The following TNFAIP8L1 variants were observed in gnomAD, a reference collection of about 807,000 sequenced individuals.
TNFAIP8L1 encodes the protein TNF alpha induced protein 8 like 1.
For synonymous variants in TNFAIP8L1, 127 were observed against 125.6 expected, an observed-to-expected ratio of 1.01 and a Z score of -0.08; for missense variants, 225 against 266.1, an observed-to-expected ratio of 0.85 and a Z score of 1.08.
At chr19:4,648,025 G>T (rs2088328295) in intron 1 of TNFAIP8L1, among the ~76,000 whole-genome samples, 2 of 152,196 alleles carry the variant, frequency 1.3e-5, no homozygotes. Context: ...TGTATCCCCA[G>T]TGCCTCTGTG....
At position 4,652,517 on chromosome 19, in the gene TNFAIP8L1, CTTT is replaced by C; in HGVS notation, c.*89_*91del. The C allele has an allele frequency of 7.5e-7, 1 of 1,330,302 alleles. No individual in the cohort carries two copies. The highest frequency in any genetic ancestry group is 1.5e-5 in the African/African-American group (1 of 66,438). 82.4% of individuals were successfully genotyped at this position (1,330,302 alleles called of 1,614,324 possible). ...GGGGTTTGTGGGTTTTTTTCCACCT[CTTT>C]TCTCCCAATCGGACTCCGGCCAAAC... is the stretch of plus-strand genomic sequence containing the variant. On this transcript the variant is annotated 3_prime_UTR_variant, in exon 2 of 2. Coordinates refer to ENST00000327473, the MANE Select transcript of TNFAIP8L1 (RefSeq NM_152362.3).
Position 4,654,937 on chromosome 19 carries a change from G to A in TNFAIP8L1, c.*2507G>A, listed in dbSNP as rs1166833027. The A allele has an allele frequency of 6.6e-6, 1 of 152,236 alleles. No homozygotes were observed. Among genetic ancestry groups the A allele is most frequent in the Non-Finnish European group, 1.5e-5 (1 of 68,052 alleles). The allele number at this position is 152,236 out of a possible 1,614,324, so 9.4% of individuals were successfully genotyped here. A position where few individuals can be genotyped will look rare whatever the true frequency, so the allele number is the denominator to read the frequency against. ...CAGAACCTTGTCTGTGGAGGGTAGA[G>A]GTTGCGGCAGGGGCCTGTGGGCCTT... On this transcript the variant is annotated 3_prime_UTR_variant, in exon 2 of 2. Transcript: ENST00000327473.
chr19:4,640,902 T>G (rs2088254479), intron 1 of TNFAIP8L1: 1 of 152,450 alleles, frequency 6.6e-6, no homozygotes, highest in African/African-American at 2.4e-5. Context: ...ACGCTGTACC[T>G]ATGGAAACCG....
intron 1 of TNFAIP8L1, among the ~76,000 whole-genome samples, chr19:4,651,559 C>T (rs1411597089): frequency 6.6e-6 from 1 of 151,982 alleles, no homozygotes; most frequent in African/African-American, 2.4e-5. Flanking sequence ...GCCTCAGCCT[C>T]CCAAGTAGCG....
chr19:4,653,104 G>A lies in TNFAIP8L1; in HGVS notation c.*674G>A, dbSNP rs568854285. 6.0e-6 allele frequency: 1 copy of A among 166,546 alleles called. No individual in the cohort carries two copies. The highest frequency in any genetic ancestry group is 1.5e-5 in the Non-Finnish European group (1 of 68,122). The allele number at this position is 166,546 out of a possible 1,614,324, so 10.3% of individuals were successfully genotyped here. A position where few individuals can be genotyped will look rare whatever the true frequency, so the allele number is the denominator to read the frequency against. On this transcript the variant is annotated 3_prime_UTR_variant, in exon 2 of 2. Transcript: ENST00000327473. ...GCGGATCACGAGGTCAGGAGATCGA[G>A]ACCATCCTGGCTAACACGGTGAAAC...
rs755716896 is a variant in TNFAIP8L1 at position 4,652,361 on chromosome 19, G to A, written c.492G>A (p.Glu164=). The A allele has an allele frequency of 4.5e-6, 7 of 1,555,666 alleles. No individual in the cohort carries two copies. In the East Asian group the frequency reaches 9.7e-5, roughly 21 times the overall value. Residue 164 remains glutamate (E), a synonymous_variant, in exon 2 of 2, where the codon GAG becomes GAA. Coordinates refer to ENST00000327473, the MANE Select transcript of TNFAIP8L1 (RefSeq NM_152362.3). The stretch of plus-strand genomic sequence containing the variant: ...TGGCTGCGCTCTACGGCCCCGCCGA[G>A]CCCTACCGCTCCCACCTGCGCAGGA... ...DFLAALYGPA[E]PYRSHLRRIC...
At chr19:4,647,994 G>A (rs1207879333) in intron 1 of TNFAIP8L1, among the ~76,000 whole-genome samples, 6 of 152,142 alleles carry the variant, frequency 3.9e-5, no homozygotes, top group Non-Finnish European at 1.5e-5. Context: ...AGGCAGGGAT[G>A]GGATCTGTTT....
At chr19:4,650,601 G>A (rs2088352912) in intron 1 of TNFAIP8L1, among the ~76,000 whole-genome samples, 1 of 152,080 alleles carries the variant, frequency 6.6e-6, no homozygotes, top group Non-Finnish European at 1.5e-5. Context: ...ACAGGGGGAT[G>A]GTTCTGCAGT....
chr19:4,651,563 A>G (rs958205669), intron 1 of TNFAIP8L1, among the ~76,000 whole-genome samples: 2 of 151,828 alleles, frequency 1.3e-5, no homozygotes, highest in East Asian at 3.9e-4. Flanking sequence ...CAGCCTCCCA[A>G]GTAGCGGGGA....
At position 4,652,268 on chromosome 19, in the gene TNFAIP8L1, C is replaced by T. The variant is rs1003491780; in HGVS notation, c.399C>T (p.Pro133=). 1.9e-6 allele frequency: 3 copies of T among 1,564,422 alleles called. No homozygotes were observed. Among genetic ancestry groups the T allele is most frequent in the Non-Finnish European group, 2.6e-6 (3 of 1,158,404 alleles). ...ACCTGCTGCACCAGGCCGTGGGTCC[C>T]CACCTGACCGCCAAGTCCCACGGCC... ...CRDLLHQAVG[P]HLTAKSHGRI... Residue 133 remains proline (P), a synonymous_variant, in exon 2 of 2, where the codon CCC becomes CCT. Transcript: ENST00000327473.
At position 4,642,796 on chromosome 19, in the gene TNFAIP8L1, G is replaced by A. The variant is rs1057093983; in HGVS notation, c.-4+3167G>A. On this transcript the variant is annotated intron_variant, in intron 1 of 1. Coordinates refer to ENST00000327473, the MANE Select transcript of TNFAIP8L1 (RefSeq NM_152362.3). ...CAGGGTGCGCAGGATCTTATGGGCT[G>A]CCAGGAATACTTGGCTTTGACCCCA... Among the ~76,000 whole-genome samples the A allele has an allele frequency of 2.0e-5, 3 of 152,036 alleles. No homozygotes were observed. In the East Asian group the frequency reaches 5.8e-4, roughly 29 times the overall value.
intron 1 of TNFAIP8L1, among the ~76,000 whole-genome samples, chr19:4,646,047 C>A (rs547915863): frequency 9.9e-5 from 15 of 152,282 alleles, no homozygotes; most frequent in African/African-American, 3.4e-4. Flanking sequence ...TCCTGGTTAC[C>A]CTGAACTTCA....
chr19:4,641,405 G>A lies in TNFAIP8L1; in HGVS notation c.-4+1776G>A, dbSNP rs934537654. On this transcript the variant is annotated intron_variant, in intron 1 of 1. Coordinates refer to ENST00000327473, the MANE Select transcript of TNFAIP8L1 (RefSeq NM_152362.3). This position sits in a 1 kb window ranked among gnomAD's most constrained non-coding sequence, Gnocchi z 4.6. The stretch of plus-strand genomic sequence containing the variant: ...AGGTACAGCTCAGGTGTTACAGACG[G>A]GGAGCAGGGCAAGGAGGCAGAGCGA... 1 of 152,230 alleles carries A rather than the reference G, an allele frequency of 6.6e-6. No individual in the cohort carries two copies. Among genetic ancestry groups the A allele is most frequent in the Admixed American group, 6.6e-5 (1 of 15,258 alleles). 9.4% of individuals were successfully genotyped at this position (152,230 alleles called of 1,614,324 possible). A position where few individuals can be genotyped will look rare whatever the true frequency, so the allele number is the denominator to read the frequency against.
At chr19:4,647,570 C>G (rs901774159) in intron 1 of TNFAIP8L1, among the ~76,000 whole-genome samples, 16 of 149,816 alleles carry the variant, frequency 1.1e-4, no homozygotes, top group African/African-American at 3.7e-4. Context: ...CTCAGCTTCC[C>G]AAAGTGCTGG....
At chr19:4,644,198 G>A (rs963729838) in intron 1 of TNFAIP8L1, among the ~76,000 whole-genome samples, 2 of 151,884 alleles carry the variant, frequency 1.3e-5, no homozygotes, top group Non-Finnish European at 2.9e-5. Flanking sequence ...TCCAGCCTGG[G>A]CAACAAGAGT....
chr19:4,651,194 C>T (rs1384361082), intron 1 of TNFAIP8L1, among the ~76,000 whole-genome samples: 4 of 151,608 alleles, frequency 2.6e-5, no homozygotes, highest in Admixed American at 2.6e-4. Context: ...AACGGAACCC[C>T]CTGTAACAAT....
rs2088262152 is a variant in TNFAIP8L1 at position 4,641,640 on chromosome 19, G to A, written c.-4+2011G>A. 6.6e-6 allele frequency: 1 copy of A among 152,194 alleles called. No homozygotes were observed. The highest frequency in any genetic ancestry group is 2.4e-5 in the African/African-American group (1 of 41,422). The allele number at this position is 152,194 out of a possible 1,614,324, so 9.4% of individuals were successfully genotyped here. On this transcript the variant is annotated intron_variant, in intron 1 of 1. Coordinates refer to ENST00000327473, the MANE Select transcript of TNFAIP8L1 (RefSeq NM_152362.3). This position sits in a 1 kb window ranked among gnomAD's most constrained non-coding sequence, Gnocchi z 4.6. Reference sequence around the variant, plus strand: ...GCTGGTCATCTCCTTTTTCTTGTGGGGCTGAGATAACTGTGGGGAGGGAGG... The same window carrying A: ...GCTGGTCATCTCCTTTTTCTTGTGGAGCTGAGATAACTGTGGGGAGGGAGG...
chr19:4,640,656 T>C (rs12151291), intron 1 of TNFAIP8L1: 20,959 of 152,388 alleles, frequency 0.14, 1,776 homozygotes, highest in Middle Eastern at 0.24. Flanking sequence ...ATACAGGCCC[T>C]GCTCATAACC....
At chr19:4,646,192 G>C (rs537763744) in intron 1 of TNFAIP8L1, among the ~76,000 whole-genome samples, 2 of 151,856 alleles carry the variant, frequency 1.3e-5, no homozygotes, top group African/African-American at 4.8e-5. Flanking sequence ...GAACAATCTC[G>C]ACTCCCTGCA....
Sources: allele counts gnomAD v4.1 joint callset (sites outside exome capture counted in the v4.1 genomes callset), GRCh38; gene constraint gnomAD v4.1.1; non-coding constraint Gnocchi (gnomAD v3.1); transcripts MANE v1.5; gene names NCBI Gene and HGNC (gene_info 2026-07-23, HGNC 2026-07-21).